The following SMPD3 variants were observed in gnomAD, a reference collection of about 807,000 sequenced individuals.
SMPD3 encodes the protein nSMase-2.
In SMPD3, 21 loss-of-function variants were observed where a neutral mutation model predicts 55.7. That is an observed-to-expected ratio of 0.38 (90% confidence interval 0.27 to 0.54). SMPD3 has a LOEUF of 0.54. SMPD3 is among the 20% of genes least tolerant of loss of function. The probability of loss-of-function intolerance (pLI) is 0.80; values close to 1 mark genes in which losing one functional copy is unlikely to be tolerated. For missense variants in SMPD3, 842 were observed against 899.6 expected (o/e 0.94, Z 0.82); for synonymous variants, 457 against 404.3 (o/e 1.13, Z -1.56).
chr16:68,402,520 G>A (rs979591283), intron 1 of SMPD3, among the ~76,000 whole-genome samples: 1 of 152,116 alleles, frequency 6.6e-6, no homozygotes, highest in Non-Finnish European at 1.5e-5. Context: ...TCCTTCCAGT[G>A]GTCTGTTTGG....
intron 3 of SMPD3, chr16:68,369,796 C>T (rs888073693): frequency 1.3e-5 from 2 of 152,256 alleles, no homozygotes; most frequent in Admixed American, 1.3e-4. Flanking sequence ...CCTGCCCTGG[C>T]TCCCATAGGG....
At chr16:68,394,185 A>G (rs543470407) in intron 1 of SMPD3, among the ~76,000 whole-genome samples, 1 of 151,998 alleles carries the variant, frequency 6.6e-6, no homozygotes, top group African/African-American at 2.4e-5. Flanking sequence ...TGTCTCCTTT[A>G]TGTGTTCCTC....
At chr16:68,436,736 G>A (rs1210794592) in intron 1 of SMPD3, among the ~76,000 whole-genome samples, 2 of 152,164 alleles carry the variant, frequency 1.3e-5, no homozygotes, top group African/African-American at 2.4e-5. Flanking sequence ...CCTGTGGGAC[G>A]GACACATGGC....
At chr16:68,405,426 C>T (rs961942980) in intron 1 of SMPD3, among the ~76,000 whole-genome samples, 7 of 151,468 alleles carry the variant, frequency 4.6e-5, no homozygotes, top group Non-Finnish European at 1.0e-4. Context: ...GGCACACACC[C>T]GTGGTCCCAG....
chr16:68,446,214 G>T (rs1386876717), intron 1 of SMPD3, among the ~76,000 whole-genome samples: 1 of 152,188 alleles, frequency 6.6e-6, no homozygotes, highest in African/African-American at 2.4e-5. Flanking sequence ...TGATAAAATG[G>T]GAAGGGCAGG....
chr16:68,411,395 T>C (rs1426806008), intron 1 of SMPD3, among the ~76,000 whole-genome samples: 2 of 152,218 alleles, frequency 1.3e-5, no homozygotes, highest in Non-Finnish European at 2.9e-5. Context: ...GTCACCACTA[T>C]AGTTCAGGCT....
Position 68,371,455 on chromosome 16 carries a change from A to G in SMPD3, c.727T>C (p.Cys243Arg). The change falls in exon 3 of 9, where the codon TGC (cysteine) becomes CGC (arginine). Residue 243 changes from cysteine (C) to arginine (R), a missense_variant. By Grantham distance (180) the Cys-to-Arg change is radical (BLOSUM62 -3). This residue lies in a region of SMPD3 where 649 missense variants were observed against 643.6 expected (regional missense o/e 1.01). Coordinates refer to ENST00000219334, the MANE Select transcript of SMPD3 (RefSeq NM_018667.4). The part of the protein sequence containing the change: ...PVDSSSPEDA[C>R]IVRIGGEEGG... ...TCCTCGCCACCGATGCGCACGATGC[A>G]GGCATCCTCCGGGCTGCTGCTGTCG... The G allele has an allele frequency of 6.3e-7, 1 of 1,593,002 alleles. No homozygotes were observed. Among genetic ancestry groups the G allele is most frequent in the Non-Finnish European group, 8.5e-7 (1 of 1,177,520 alleles).
Position 68,363,648 on chromosome 16 carries a change from C to T in SMPD3, c.1646-89G>A, listed in dbSNP as rs2089385098. ...GGCCTCTGTGGGTGGACACGGGCTT[C>T]TGCTAGCCAGGGGCAGCTGAATGGG... On this transcript the variant is annotated intron_variant, in intron 6 of 8. Coordinates refer to ENST00000219334, the MANE Select transcript of SMPD3 (RefSeq NM_018667.4). The T allele has an allele frequency of 2.7e-6, 4 of 1,469,146 alleles. No homozygotes were observed. The East Asian group carries it at 9.1e-5, about 33-fold the overall frequency. The allele number at this position is 1,469,146 out of a possible 1,614,324, so 91.0% of individuals were successfully genotyped here.
At position 68,372,077 on chromosome 16, in the gene SMPD3, A is replaced by G. The variant is rs764297071; in HGVS notation, c.105T>C (p.Ala35=). ...CGTAGGTGGTGGGTATGAAGGAGGC[A>G]GCGAGCCGGTCCACCAGCCAGTAGC... The part of the protein sequence containing the change: ...FPCYWLVDRL[A]ASFIPTTYEK... The change falls in exon 3 of 9, where the codon GCT becomes GCC. Residue 35 remains alanine (A), a synonymous_variant. Coordinates refer to ENST00000219334, the MANE Select transcript of SMPD3 (RefSeq NM_018667.4). The G allele has an allele frequency of 6.9e-6, 11 of 1,605,402 alleles. No individual in the cohort carries two copies. The East Asian group carries it at 1.6e-4, about 23-fold the overall frequency.
At chr16:68,423,919 T>C (rs191884592) in intron 1 of SMPD3, among the ~76,000 whole-genome samples, 1 of 152,120 alleles carries the variant, frequency 6.6e-6, no homozygotes, top group Admixed American at 6.5e-5. Context: ...AGCAGAGCAG[T>C]GCTGGGGAGA....
In SMPD3 at chr16:68,364,803, C is replaced by T. The variant is rs2089425524; in HGVS notation, c.1503G>A (p.Leu501=). 1 of 1,613,886 alleles carries T rather than the reference C, an allele frequency of 6.2e-7. No individual in the cohort carries two copies. The highest frequency in any genetic ancestry group is 1.3e-5 in the African/African-American group (1 of 75,018). ...SSSSAANPEE[L]VAFDVVCGDF... ...CTCCACAGACGACGTCAAATGCCAC[C>T]AGCTCCTCGGGGTTGGCTGCGCTGG... The change falls in exon 5 of 9, where the codon CTG becomes CTA. Residue 501 remains leucine (L), a synonymous_variant. Transcript: ENST00000219334.
chr16:68,385,392 T>C (rs2090035826), intron 2 of SMPD3, among the ~76,000 whole-genome samples: 1 of 152,194 alleles, frequency 6.6e-6, no homozygotes, highest in South Asian at 2.1e-4. Context: ...GTCCTTCTTG[T>C]CGATCCCCCT....
At chr16:68,383,587 C>T (rs1358540737) in intron 2 of SMPD3, among the ~76,000 whole-genome samples, 1 of 152,068 alleles carries the variant, frequency 6.6e-6, no homozygotes, top group East Asian at 1.9e-4. Context: ...CTTCTCAGGG[C>T]CCTTGGAGGA....
In SMPD3 at chr16:68,441,871, T is replaced by C. The variant is rs554179900; in HGVS notation, c.-269+6482A>G. 2.0e-5 allele frequency among the ~76,000 whole-genome samples: 3 copies of C among 152,116 alleles called. No homozygotes were observed. The South Asian group carries it at 6.2e-4, about 32-fold the overall frequency. ...GCCTTGAACTCTTGGGCTCGAGCAA[T>C]CCTCCCATCTCAGCCTCCCAAGTAG... On this transcript the variant is annotated intron_variant, in intron 1 of 8. Coordinates refer to ENST00000219334, the MANE Select transcript of SMPD3 (RefSeq NM_018667.4).
chr16:68,428,323 G>A (rs1019746897), intron 1 of SMPD3, among the ~76,000 whole-genome samples: 1 of 152,228 alleles, frequency 6.6e-6, no homozygotes, highest in Non-Finnish European at 1.5e-5. Flanking sequence ...CTTGACTAGT[G>A]TGCCAGAGGC....
intron 2 of SMPD3, among the ~76,000 whole-genome samples, chr16:68,373,218 A>G (rs1487210616): frequency 6.6e-6 from 1 of 152,216 alleles, no homozygotes; most frequent in African/African-American, 2.4e-5. Flanking sequence ...AGCCCAGTCG[A>G]GACCCACAGC....
Position 68,371,532 on chromosome 16 carries a change from C to G in SMPD3, c.650G>C (p.Gly217Ala), listed in dbSNP as rs761659354. 3.7e-6 allele frequency: 6 copies of G among 1,601,386 alleles called. No homozygotes were observed. The highest frequency in any genetic ancestry group is 1.7e-5 in the Admixed American group (1 of 59,624). The change falls in exon 3 of 9, where the codon GGG becomes GCG. Residue 217 changes from glycine to alanine, a missense_variant. Physicochemically the swap from Gly to Ala is moderately conservative, Grantham distance 60 (BLOSUM62 0). Transcript: ENST00000219334. ...TASVEYKGDGGRHPGDEAANG... is the reference protein window; with the variant it reads ...TASVEYKGDGARHPGDEAANG... The stretch of plus-strand genomic sequence containing the variant: ...GGCAGCCTCGTCACCGGGGTGCCGC[C>G]CACCGTCACCCTTGTACTCCACAGA...
chr16:68,383,404 G>T (rs181590395), intron 2 of SMPD3, among the ~76,000 whole-genome samples: 9 of 152,194 alleles, frequency 5.9e-5, no homozygotes, highest in Non-Finnish European at 1.3e-4. Context: ...GAAAGAAAAC[G>T]TCCAGAACAG....
At chr16:68,387,446 T>A (rs375596994) in intron 1 of SMPD3, among the ~76,000 whole-genome samples, 1 of 152,082 alleles carries the variant, frequency 6.6e-6, no homozygotes, top group East Asian at 1.9e-4. Context: ...TGGGCCCCAG[T>A]CCCAGTTTGT....
Sources: allele counts gnomAD v4.1 joint callset (sites outside exome capture counted in the v4.1 genomes callset), GRCh38; gene constraint gnomAD v4.1.1; regional missense constraint gnomAD v4.1.1; transcripts MANE v1.5; gene names NCBI Gene and HGNC (gene_info 2026-07-23, HGNC 2026-07-21).